Variants in GABRB1 observed in about 807,000 individuals in gnomAD.
The protein encoded by GABRB1 is gamma-aminobutyric acid receptor subunit beta-1.
A neutral mutation model predicts 51.6 loss-of-function variants in GABRB1; 17 were observed. That is an observed-to-expected ratio of 0.33 (90% CI 0.23 to 0.49). The LOEUF is 0.49. Ranked by LOEUF, GABRB1 falls within the 20% of genes least tolerant of loss-of-function variation. The probability of loss-of-function intolerance (pLI) is 0.99; values close to 1 mark genes in which losing one functional copy is unlikely to be tolerated. For missense variants in GABRB1, 410 were observed against 600.6 expected (o/e 0.68, Z 3.32); for synonymous variants, 247 against 218.9 (o/e 1.13, Z -1.14).
At chr4:47,260,939 A>G (rs1184032446) in intron 4 of GABRB1, among the ~76,000 whole-genome samples, 1 of 152,208 alleles carries the variant, frequency 6.6e-6, no homozygotes, top group East Asian at 1.9e-4. Context: ...ACAGAACCAA[A>G]GACAAAAACC....
chr4:47,189,132 A>T (rs1719321851), intron 4 of GABRB1, among the ~76,000 whole-genome samples: 1 of 151,940 alleles, frequency 6.6e-6, no homozygotes, highest in Admixed American at 6.6e-5. Context: ...GAAGAAGGTG[A>T]CATTTGAGCT....
intron 5 of GABRB1, among the ~76,000 whole-genome samples, chr4:47,391,549 C>T (rs1298788518): frequency 6.6e-6 from 1 of 152,180 alleles, no homozygotes; most frequent in East Asian, 1.9e-4. Flanking sequence ...TCTTATAATT[C>T]AAAGACCAGC....
At chr4:47,061,661 T>G (rs978942524) in intron 3 of GABRB1, among the ~76,000 whole-genome samples, 1 of 152,210 alleles carries the variant, frequency 6.6e-6, no homozygotes, top group African/African-American at 2.4e-5. Flanking sequence ...AGCCTTTGCT[T>G]CATGCAGAAG....
chr4:47,082,708 G>A (rs1453739442), intron 3 of GABRB1, among the ~76,000 whole-genome samples: 1 of 152,004 alleles, frequency 6.6e-6, no homozygotes, highest in African/African-American at 2.4e-5. Flanking sequence ...GGATACTGGG[G>A]TATACTGTTT....
At chr4:47,208,826 C>T (rs761988078) in intron 4 of GABRB1, among the ~76,000 whole-genome samples, 5 of 152,020 alleles carry the variant, frequency 3.3e-5, no homozygotes, top group Non-Finnish European at 7.4e-5. Context: ...TAGTTGGGTC[C>T]ATCTGAGAAG....
At chr4:47,067,170 A>G (rs1346250168) in intron 3 of GABRB1, among the ~76,000 whole-genome samples, 1 of 152,160 alleles carries the variant, frequency 6.6e-6, no homozygotes, top group Admixed American at 6.5e-5. Context: ...TGTGCTTACT[A>G]TATTCAGTAA....
At chr4:47,363,386 A>G (rs966397847) in intron 5 of GABRB1, among the ~76,000 whole-genome samples, 2 of 152,008 alleles carry the variant, frequency 1.3e-5, no homozygotes, top group African/African-American at 4.8e-5. Flanking sequence ...CAAATTTTGT[A>G]TGTGTCGGTT....
chr4:47,004,411 G>A (rs1484957969), intron 1 of GABRB1, among the ~76,000 whole-genome samples: 1 of 152,156 alleles, frequency 6.6e-6, no homozygotes, highest in Non-Finnish European at 1.5e-5. Context: ...ATGAGCAATA[G>A]AGCATCATTA....
At position 47,191,268 on chromosome 4, in the gene GABRB1, T is replaced by C. The variant is rs1323795001; in HGVS notation, c.461+29799T>C. The stretch of plus-strand genomic sequence containing the variant: ...CTCCTTTGTGCCTCAAGATCCTTTT[T>C]TTCTGTTCCTTTTCAGGGATGCAGT... On this transcript the variant is annotated intron_variant, in intron 4 of 8. Coordinates refer to ENST00000295454, the MANE Select transcript of GABRB1 (RefSeq NM_000812.4). 2.6e-5 allele frequency among the ~76,000 whole-genome samples: 4 copies of C among 152,296 alleles called. No individual in the cohort carries two copies. The East Asian group carries it at 7.7e-4, about 29-fold the overall frequency.
rs544948838 is a variant in GABRB1 at position 47,146,322 on chromosome 4, C to G, written c.241-14927C>G. Among the ~76,000 whole-genome samples, 32 of 152,140 alleles carry G rather than the reference C, an allele frequency of 2.1e-4. No individual in the cohort carries two copies. The East Asian group carries it at 5.6e-3, about 27-fold the overall frequency. ...TCTTTTTTTCCCCCTCTCTCTCCCC[C>G]TTTTCCTCTTTTTGGTAGTCATGAT... On this transcript the variant is annotated intron_variant, in intron 3 of 8. Transcript: ENST00000295454.
At chr4:47,402,259 T>TA (rs1728421564) in intron 5 of GABRB1, among the ~76,000 whole-genome samples, 1 of 152,226 alleles carries the variant, frequency 6.6e-6, no homozygotes, top group African/African-American at 2.4e-5. Context: ...GAAAAGGTAT[T>TA]ACTGGCTTTA....
At chr4:47,204,024 T>C (rs1469461809) in intron 4 of GABRB1, among the ~76,000 whole-genome samples, 2 of 152,178 alleles carry the variant, frequency 1.3e-5, no homozygotes, top group African/African-American at 4.8e-5. Flanking sequence ...CCTCTGAAAT[T>C]ACAGTTGCAG....
intron 4 of GABRB1, among the ~76,000 whole-genome samples, chr4:47,303,447 AT>A (rs1179119294): frequency 6.6e-6 from 1 of 151,836 alleles, no homozygotes; most frequent in Non-Finnish European, 1.5e-5. Flanking sequence ...TACATAGGAA[AT>A]AATATCAAGT....
At chr4:47,350,554 G>T (rs1191709667) in intron 5 of GABRB1, among the ~76,000 whole-genome samples, 1 of 151,354 alleles carries the variant, frequency 6.6e-6, no homozygotes, top group East Asian at 1.9e-4. Context: ...TAAAAAATGT[G>T]TATCACATCA....
At chr4:47,148,041 A>G (rs9991346) in intron 3 of GABRB1, among the ~76,000 whole-genome samples, 130,840 of 152,120 alleles carry the variant, frequency 0.86, 56,290 homozygotes, top group African/African-American at 0.9. Flanking sequence ...TTAGGGAAGA[A>G]CAAGACTAGA....
intron 3 of GABRB1, among the ~76,000 whole-genome samples, chr4:47,057,672 A>C (rs376329617): frequency 2.0e-5 from 3 of 152,360 alleles, no homozygotes; most frequent in East Asian, 3.9e-4. Context: ...AACTTTCCAG[A>C]ATAGATTCAC....
At chr4:47,108,747 C>T (rs544818865) in intron 3 of GABRB1, among the ~76,000 whole-genome samples, 53 of 152,100 alleles carry the variant, frequency 3.5e-4, no homozygotes, top group African/African-American at 1.3e-3. Flanking sequence ...ATAACTGCAT[C>T]CTAGGTGTTA....
intron 5 of GABRB1, among the ~76,000 whole-genome samples, chr4:47,378,082 G>A (rs373231578): frequency 6.6e-5 from 10 of 152,214 alleles, no homozygotes; most frequent in African/African-American, 1.7e-4. Context: ...ACTGGGCGCC[G>A]TAGAGCAGGG....
intron 3 of GABRB1, among the ~76,000 whole-genome samples, chr4:47,049,486 G>A (rs183225664): frequency 6.6e-6 from 1 of 152,110 alleles, no homozygotes; most frequent in Non-Finnish European, 1.5e-5. Context: ...CACTGAGAGA[G>A]AAATCAAATA....
Sources: gnomAD v4.1 joint callset for allele counts (sites outside exome capture counted in the v4.1 genomes callset) on GRCh38, gnomAD v4.1.1 for gene constraint, MANE v1.5 for transcripts, NCBI Gene and HGNC (gene_info 2026-07-23, HGNC 2026-07-21) for gene names.